EDIL3: variants seen among roughly 807,000 people sequenced by gnomAD.
The protein encoded by EDIL3 is EGF-like repeat and discoidin I-like domain-containing protein 3.
Under a neutral mutation model 67.4 loss-of-function variants are expected in EDIL3, and 37 were observed. The ratio of observed to expected loss-of-function variants is 0.55; its 90% CI spans 0.42 to 0.72. The LOEUF (loss-of-function observed/expected upper bound fraction) is 0.72, where lower values mean the gene tolerates loss of function less well. Ranked by LOEUF, EDIL3 falls within the 30% of genes least tolerant of loss-of-function variation. The pLI, the probability that EDIL3 is intolerant of heterozygous loss-of-function variation, is 0.00. For synonymous variants in EDIL3, 195 were observed against 196.3 expected (o/e 0.99, Z 0.05); for missense variants, 527 against 586.3 (o/e 0.90, Z 1.04).
chr5:84,018,947 G>A (rs555275491), intron 9 of EDIL3, among the ~76,000 whole-genome samples: 2 of 152,120 alleles, frequency 1.3e-5, no homozygotes, highest in Admixed American at 6.6e-5. Context: ...ACTGTTGGTG[G>A]GACTGTAAAC....
chr5:84,314,554 A>C (rs977918733), intron 1 of EDIL3, among the ~76,000 whole-genome samples: 1 of 152,208 alleles, frequency 6.6e-6, no homozygotes, highest in African/African-American at 2.4e-5. Context: ...AGATTTCATA[A>C]ATTTCACCAT....
At chr5:84,158,471 T>C (rs989826965) in intron 4 of EDIL3, among the ~76,000 whole-genome samples, 2 of 151,996 alleles carry the variant, frequency 1.3e-5, no homozygotes, top group African/African-American at 4.8e-5. Context: ...TCCTACAAAA[T>C]AGAATACATC....
At chr5:84,199,747 T>C (rs1196256556) in intron 3 of EDIL3, among the ~76,000 whole-genome samples, 1 of 152,044 alleles carries the variant, frequency 6.6e-6, no homozygotes, top group Non-Finnish European at 1.5e-5. Flanking sequence ...AAAGTTTTCA[T>C]GTCGTGGGAT....
At chr5:84,300,771 A>T (rs1480241118) in intron 1 of EDIL3, among the ~76,000 whole-genome samples, 2 of 152,216 alleles carry the variant, frequency 1.3e-5, no homozygotes, top group East Asian at 3.8e-4. Context: ...CTGTATCTTC[A>T]TACATAAACA....
At chr5:84,303,359 G>A (rs985623439) in intron 1 of EDIL3, among the ~76,000 whole-genome samples, 1 of 152,130 alleles carries the variant, frequency 6.6e-6, no homozygotes, top group African/African-American at 2.4e-5. Flanking sequence ...CACCTGCAAA[G>A]CTGACTGCAC....
intron 4 of EDIL3, among the ~76,000 whole-genome samples, chr5:84,161,945 A>G (rs1259685297): frequency 6.6e-6 from 1 of 152,172 alleles, no homozygotes; most frequent in Non-Finnish European, 1.5e-5. Context: ...AGAATTTAGA[A>G]TTGAGGACCA....
intron 1 of EDIL3, among the ~76,000 whole-genome samples, chr5:84,287,098 G>T (rs367770100): frequency 6.6e-6 from 1 of 152,174 alleles, no homozygotes; most frequent in South Asian, 2.1e-4. Flanking sequence ...GAGATGCAGA[G>T]ACTCTGGGTT....
chr5:84,061,800 T>C (rs1014517197), intron 8 of EDIL3, among the ~76,000 whole-genome samples: 5 of 152,134 alleles, frequency 3.3e-5, no homozygotes, highest in African/African-American at 1.2e-4. Context: ...CAGATGGCAA[T>C]GGTAAGTCCC....
chr5:84,145,488 A>G (rs1748275408), intron 4 of EDIL3, among the ~76,000 whole-genome samples: 1 of 152,034 alleles, frequency 6.6e-6, no homozygotes, highest in Admixed American at 6.6e-5. Context: ...TTAATAGAGA[A>G]CTCAAGAAGG....
intron 6 of EDIL3, among the ~76,000 whole-genome samples, chr5:84,104,752 C>A (rs764559827): frequency 6.6e-6 from 1 of 151,946 alleles, no homozygotes; most frequent in Non-Finnish European, 1.5e-5. Context: ...CTGCCTACAG[C>A]CACTGGGATA....
At chr5:84,311,849 C>T (rs1359691233) in intron 1 of EDIL3, among the ~76,000 whole-genome samples, 1 of 152,178 alleles carries the variant, frequency 6.6e-6, no homozygotes, top group Non-Finnish European at 1.5e-5. Flanking sequence ...GGACACAGCA[C>T]ATGTTTCAGA....
At chr5:84,280,055 A>G (rs1012914367) in intron 1 of EDIL3, among the ~76,000 whole-genome samples, 3 of 152,188 alleles carry the variant, frequency 2.0e-5, no homozygotes, top group African/African-American at 7.2e-5. Context: ...CTCTTCTCAC[A>G]TGACTTGTAT....
chr5:84,175,312 T>G (rs1241348764), intron 4 of EDIL3, among the ~76,000 whole-genome samples: 1 of 152,182 alleles, frequency 6.6e-6, no homozygotes, highest in Non-Finnish European at 1.5e-5. Context: ...AGCTACATAG[T>G]GAGCCTTAGC....
intron 4 of EDIL3, 150 bp downstream of exon 4, chr5:84,180,243 G>T: frequency 1.2e-6 from 1 of 802,436 alleles, no homozygotes; most frequent in Non-Finnish European, 1.8e-6. Context: ...TGTGGACATG[G>T]TGTATTCCAT....
intron 9 of EDIL3, among the ~76,000 whole-genome samples, chr5:84,002,943 CT>C (rs1270748115): frequency 6.6e-6 from 1 of 152,172 alleles, no homozygotes; most frequent in Non-Finnish European, 1.5e-5. Context: ...CACAGTCACT[CT>C]ACCAGTGGCT....
At chr5:84,303,820 G>C (rs1412462059) in intron 1 of EDIL3, among the ~76,000 whole-genome samples, 2,613 of 120,464 alleles carry the variant, frequency 0.022, 30 homozygotes, top group African/African-American at 0.028. Context: ...GTGTGTGTGT[G>C]TGTGTGTGTG....
intron 6 of EDIL3, among the ~76,000 whole-genome samples, chr5:84,071,257 T>C (rs1746735583): frequency 6.6e-6 from 1 of 152,184 alleles, no homozygotes; most frequent in Admixed American, 6.5e-5. Flanking sequence ...ATCAACTCAA[T>C]CCATTTGTAG....
intron 3 of EDIL3, among the ~76,000 whole-genome samples, chr5:84,210,406 A>C (rs1290334683): frequency 5.3e-5 from 8 of 152,130 alleles, no homozygotes; most frequent in Non-Finnish European, 4.4e-5. Flanking sequence ...TAAATAAATA[A>C]ATCTAGAATT....
At chr5:84,023,865 C>G (rs969957902) in intron 9 of EDIL3, among the ~76,000 whole-genome samples, 1 of 152,084 alleles carries the variant, frequency 6.6e-6, no homozygotes, top group Non-Finnish European at 1.5e-5. Flanking sequence ...ATATTTAAAT[C>G]ACTTGCAAGA....
Sources: allele counts gnomAD v4.1 joint callset (sites outside exome capture counted in the v4.1 genomes callset), GRCh38; gene constraint gnomAD v4.1.1; transcripts MANE v1.5; gene names NCBI Gene and HGNC (gene_info 2026-07-23, HGNC 2026-07-21).